Variants in CCDC178 observed in about 807,000 individuals in gnomAD.
CCDC178 encodes the protein coiled-coil domain containing 178.
A neutral mutation model predicts 117.4 loss-of-function variants in CCDC178; 126 were observed. The observed-to-expected ratio is 1.07, with a 90% CI of 0.93 to 1.24. The LOEUF is 1.24. CCDC178 is among the 50% of genes most tolerant of loss of function. CCDC178 has a pLI of 0.00. For missense variants in CCDC178, 1,030 were observed against 986.9 expected, an observed-to-expected ratio of 1.04 and a Z score of -0.59; for synonymous variants, 283 against 313.4, an observed-to-expected ratio of 0.90 and a Z score of 1.02.
intron 20 of CCDC178, among the ~76,000 whole-genome samples, chr18:33,116,522 A>G (rs544760232): frequency 6.6e-6 from 1 of 152,238 alleles, no homozygotes; most frequent in African/African-American, 2.4e-5. Flanking sequence ...TTAGTGTTTG[A>G]CACACAAGGT....
intron 12 of CCDC178, among the ~76,000 whole-genome samples, chr18:33,280,058 T>C (rs1370115567): frequency 1.3e-5 from 2 of 149,848 alleles, no homozygotes; most frequent in Non-Finnish European, 3.0e-5. Context: ...ACTTCATGTC[T>C]AAAACACCAA....
intron 11 of CCDC178, among the ~76,000 whole-genome samples, chr18:33,298,466 G>GA (rs1317502191): frequency 3.3e-5 from 5 of 152,070 alleles, no homozygotes; most frequent in Non-Finnish European, 5.9e-5. Context: ...ATTAGGTGTA[G>GA]AAAAAAGTAC....
intron 22 of CCDC178, among the ~76,000 whole-genome samples, chr18:32,961,888 G>A (rs1458648234): frequency 6.6e-6 from 1 of 151,970 alleles, no homozygotes; most frequent in African/African-American, 2.4e-5. Flanking sequence ...GCTTTTTAGT[G>A]GGAGATTTTA....
intron 21 of CCDC178, among the ~76,000 whole-genome samples, chr18:32,987,423 CT>C (rs2055286010): frequency 1.3e-5 from 2 of 151,862 alleles, no homozygotes; most frequent in African/African-American, 4.8e-5. Flanking sequence ...ATATCTAGGT[CT>C]ATAGATATCA....
intron 21 of CCDC178, among the ~76,000 whole-genome samples, chr18:33,080,070 C>G (rs2057273725): frequency 6.6e-6 from 1 of 152,154 alleles, no homozygotes. Flanking sequence ...TGTGGTGCAT[C>G]TACACCATGG....
chr18:33,283,031 T>C (rs975026427), intron 12 of CCDC178, among the ~76,000 whole-genome samples: 1 of 152,100 alleles, frequency 6.6e-6, no homozygotes, highest in Non-Finnish European at 1.5e-5. Context: ...TCCAACAAGC[T>C]GCATTGCCTC....
intron 20 of CCDC178, among the ~76,000 whole-genome samples, chr18:33,100,491 T>C (rs924202835): frequency 6.6e-6 from 1 of 151,940 alleles, no homozygotes; most frequent in Non-Finnish European, 1.5e-5. Flanking sequence ...CAGGATGCAT[T>C]ATGCATGAAG....
chr18:33,118,690 T>G (rs773230814), intron 20 of CCDC178, among the ~76,000 whole-genome samples: 1 of 152,138 alleles, frequency 6.6e-6, no homozygotes. Flanking sequence ...TGGAAAGAAC[T>G]GCTTTAAAGT....
intron 21 of CCDC178, among the ~76,000 whole-genome samples, chr18:33,052,089 A>C (rs1310443482): frequency 6.6e-6 from 1 of 152,182 alleles, no homozygotes; most frequent in Non-Finnish European, 1.5e-5. Context: ...CAGGAACAGA[A>C]TAAGCTCTGG....
At chr18:33,438,907 G>A (rs936401132) in intron 2 of CCDC178, among the ~76,000 whole-genome samples, 1 of 152,094 alleles carries the variant, frequency 6.6e-6, no homozygotes, top group African/African-American at 2.4e-5. Context: ...GATAAACTGA[G>A]TAGACAAATA....
At chr18:33,047,714 G>A (rs550940483) in intron 21 of CCDC178, among the ~76,000 whole-genome samples, 1 of 152,250 alleles carries the variant, frequency 6.6e-6, no homozygotes, top group Non-Finnish European at 1.5e-5. Flanking sequence ...GACTCTAAAT[G>A]AACTCTTAGC....
intron 11 of CCDC178, among the ~76,000 whole-genome samples, chr18:33,307,639 T>A (rs1301468485): frequency 6.6e-6 from 1 of 152,192 alleles, no homozygotes; most frequent in Non-Finnish European, 1.5e-5. Flanking sequence ...GTCAGAGACC[T>A]TCACAGCAGC....
chr18:33,121,586 T>C (rs2057938379), intron 20 of CCDC178, among the ~76,000 whole-genome samples: 1 of 152,162 alleles, frequency 6.6e-6, no homozygotes. Context: ...CTGACCACTA[T>C]AGGCTTTTGT....
chr18:33,088,157 A>G (rs2057410422), intron 21 of CCDC178, among the ~76,000 whole-genome samples: 1 of 151,910 alleles, frequency 6.6e-6, no homozygotes, highest in Non-Finnish European at 1.5e-5. Context: ...GGAAGCAGAG[A>G]TAAGGTGGCA....
At chr18:33,210,849 T>C (rs1443725827) in intron 20 of CCDC178, among the ~76,000 whole-genome samples, 1 of 152,042 alleles carries the variant, frequency 6.6e-6, no homozygotes, top group East Asian at 1.9e-4. Context: ...AATGGCCACA[T>C]TTAAAATAGA....
chr18:33,013,564 A>G (rs1217529105), intron 21 of CCDC178, among the ~76,000 whole-genome samples: 1 of 152,136 alleles, frequency 6.6e-6, no homozygotes, highest in African/African-American at 2.4e-5. Context: ...ATTTATTTTT[A>G]TATTTACTAT....
intron 4 of CCDC178, among the ~76,000 whole-genome samples, chr18:33,390,113 T>C (rs955110971): frequency 1.3e-5 from 2 of 150,628 alleles, no homozygotes; most frequent in Non-Finnish European, 3.0e-5. Flanking sequence ...GTATGATTTA[T>C]AATTATAAAT....
intron 3 of CCDC178, among the ~76,000 whole-genome samples, chr18:33,410,039 A>C (rs542703595): frequency 1.3e-5 from 2 of 152,322 alleles, no homozygotes; most frequent in African/African-American, 4.8e-5. Context: ...TATCTATTGC[A>C]TCAAATGATG....
At chr18:33,028,237 G>A (rs1013105192) in intron 21 of CCDC178, among the ~76,000 whole-genome samples, 2 of 151,570 alleles carry the variant, frequency 1.3e-5, no homozygotes, top group South Asian at 4.2e-4. Flanking sequence ...AACAAAATAG[G>A]CAACTTGTCA....
Sources: gnomAD v4.1 joint callset for allele counts (sites outside exome capture counted in the v4.1 genomes callset) on GRCh38, gnomAD v4.1.1 for gene constraint, MANE v1.5 for transcripts, NCBI Gene and HGNC (gene_info 2026-07-23, HGNC 2026-07-21) for gene names.